Variants in CFAP61 observed in about 807,000 individuals in gnomAD.
The protein encoded by CFAP61 is cilia- and flagella-associated protein 61.
A neutral mutation model predicts 135.6 loss-of-function variants in CFAP61; 107 were observed. That is an observed-to-expected ratio of 0.79 (90% CI 0.67 to 0.93). The LOEUF (loss-of-function observed/expected upper bound fraction) is 0.93. CFAP61 is among the 40% of genes least tolerant of loss of function. CFAP61 has a pLI of 0.00. For missense variants in CFAP61, 1,507 were observed against 1,556.2 expected (o/e 0.97, Z 0.53); for synonymous variants, 575 against 578.5 (o/e 0.99, Z 0.09).
At chr20:20,203,422 C>T (rs2056720234) in intron 17 of CFAP61, among the ~76,000 whole-genome samples, 2 of 152,120 alleles carry the variant, frequency 1.3e-5, no homozygotes, top group Admixed American at 6.5e-5. Context: ...TTAGATGACT[C>T]GTCAGGGCCT....
At chr20:20,085,300 T>A in intron 6 of CFAP61, 2 of 985,470 alleles carry the variant, frequency 2.0e-6, no homozygotes, top group Non-Finnish European at 2.4e-6. Flanking sequence ...TGGGGTGTTT[T>A]GTTTCTGTGG....
At chr20:20,137,112 G>GTC (rs377019356) in intron 8 of CFAP61, among the ~76,000 whole-genome samples, 2 of 152,164 alleles carry the variant, frequency 1.3e-5, no homozygotes, top group East Asian at 3.9e-4. Context: ...AACAAATGAA[G>GTC]TCTCTCTCTC....
At chr20:20,105,831 G>C (rs570706913) in intron 8 of CFAP61, among the ~76,000 whole-genome samples, 74 of 149,316 alleles carry the variant, frequency 5.0e-4, no homozygotes, top group African/African-American at 1.6e-3. Context: ...AGTAGAGATG[G>C]GGTTTCACTG....
chr20:20,088,055 C>T lies in CFAP61; in HGVS notation c.567-2789C>T, dbSNP rs541180855. Among the ~76,000 whole-genome samples, 5 of 152,262 alleles carry T rather than the reference C, an allele frequency of 3.3e-5. No individual in the cohort carries two copies. In the East Asian group the frequency reaches 9.6e-4, roughly 29 times the overall value. On this transcript the variant is annotated intron_variant, in intron 6 of 26. Transcript: ENST00000245957. ...GCTGAAATAGCTTGAAAAATGACTG[C>T]AGCATCAGTAGTACAGTCATACCCA...
At chr20:20,088,360 G>A (rs560996387) in intron 6 of CFAP61, among the ~76,000 whole-genome samples, 95 of 152,268 alleles carry the variant, frequency 6.2e-4, no homozygotes, top group Admixed American at 1.4e-3. Context: ...AGGTTTAATT[G>A]ACTCACAGTT....
intron 24 of CFAP61, among the ~76,000 whole-genome samples, chr20:20,292,363 G>T (rs1444369466): frequency 6.6e-6 from 1 of 152,262 alleles, no homozygotes; most frequent in African/African-American, 2.4e-5. Flanking sequence ...TCTTTTAGTT[G>T]CCCTGTACAC....
chr20:20,059,502 C>T lies in CFAP61; in HGVS notation c.143+2706C>T, dbSNP rs374513478. On this transcript the variant is annotated intron_variant, in intron 2 of 26. Transcript: ENST00000245957. Reference sequence around the variant, plus strand: ...GAGTGGTGGCACACACATGTAGTCCCAGCTACTCAGGAGGCTGAGGCAGGA... The same window carrying T: ...GAGTGGTGGCACACACATGTAGTCCTAGCTACTCAGGAGGCTGAGGCAGGA... Among the ~76,000 whole-genome samples the T allele has an allele frequency of 9.9e-5, 15 of 151,802 alleles. No homozygotes were observed. In the South Asian group the frequency reaches 2.9e-3, roughly 30 times the overall value.
chr20:20,196,495 A>G, intron 15 of CFAP61, 75 bp from the exon 16 acceptor site: 2 of 1,146,514 alleles, frequency 1.7e-6, no homozygotes, highest in Non-Finnish European at 1.3e-6. Flanking sequence ...GTAATTTTTA[A>G]AAGATATTTA....
At chr20:20,252,746 G>A (rs1045107478) in intron 20 of CFAP61, among the ~76,000 whole-genome samples, 4 of 152,242 alleles carry the variant, frequency 2.6e-5, no homozygotes, top group African/African-American at 4.8e-5. Context: ...GTCGCCAAGC[G>A]CAGAGGAGGC....
chr20:20,191,396 A>G lies in CFAP61; in HGVS notation c.1567A>G (p.Ile523Val), dbSNP rs1349488257. Residue 523 changes from isoleucine (I) to valine (V), a missense_variant, in exon 15 of 27, where the codon ATT becomes GTT. Coordinates refer to ENST00000245957, the MANE Select transcript of CFAP61 (RefSeq NM_015585.4). ...VAEVAEQIVG[I>V]AVIRNEMDIE... is the part of the protein sequence containing the mutation. ...TGAAGTTGCAGAACAAATAGTTGGT[A>G]TTGCAGTGATCAGAAATGAAATGGT... is the stretch of plus-strand genomic sequence containing the variant. 6.2e-7 allele frequency: 1 copy of G among 1,611,586 alleles called. No individual in the cohort carries two copies. The highest frequency in any genetic ancestry group is 8.5e-7 in the Non-Finnish European group (1 of 1,178,268).
At chr20:20,123,533 TG>T (rs779156942) in intron 8 of CFAP61, among the ~76,000 whole-genome samples, 2 of 151,784 alleles carry the variant, frequency 1.3e-5, no homozygotes, top group African/African-American at 2.4e-5. Context: ...TTTATGTTTT[TG>T]TTTTGTCAAA....
At position 20,298,308 on chromosome 20, in the gene CFAP61, G is replaced by A. The variant is rs367638543; in HGVS notation, c.3344G>A (p.Arg1115His). The A allele has an allele frequency of 1.1e-5, 17 of 1,613,946 alleles. No homozygotes were observed. The highest frequency in any genetic ancestry group is 4.5e-5 in the East Asian group (2 of 44,898). The change falls in exon 25 of 27, where the codon CGC (arginine) becomes CAC (histidine). Residue 1115 changes from arginine to histidine, a missense_variant. Arg to His is a conservative substitution (Grantham distance 29). Transcript: ENST00000245957. ...REPFPASNYI[R>H]LFGQHEQLLN... ...CCCTTCCCCGCCTCCAACTACATCC[G>A]CTTGTTTGGCCAGCACGAGCAACTC... is the stretch of plus-strand genomic sequence containing the variant.
chr20:20,184,240 A>G (rs2055333909), intron 13 of CFAP61, among the ~76,000 whole-genome samples: 4 of 152,186 alleles, frequency 2.6e-5, no homozygotes, highest in Non-Finnish European at 5.9e-5. Context: ...TTATATGTAA[A>G]AAAACATGTA....
chr20:20,150,839 A>G (rs541778838), intron 9 of CFAP61, among the ~76,000 whole-genome samples: 2 of 152,328 alleles, frequency 1.3e-5, no homozygotes, highest in East Asian at 1.9e-4. Flanking sequence ...AGGAAGTCCC[A>G]TCTGTAGGGG....
rs6081973 is a variant in CFAP61, at chr20:20,359,104, T to C, written c.3514-1106T>C. 0.53 allele frequency among the ~76,000 whole-genome samples: 80,496 copies of C among 152,008 alleles called. 22,497 individuals are homozygous for C. Among genetic ancestry groups the C allele is most frequent in the Non-Finnish European group, 0.63 (42,686 of 67,962 alleles). On this transcript the variant is annotated intron_variant, in intron 26 of 26. Transcript: ENST00000245957. The surrounding 1 kb of genome is among the most constrained non-coding windows in gnomAD (Gnocchi z 4.0). ...GTTCAGTGGACAATTCTTCAACTTGTCTCTGAAAATTTTTATAATGAAATG... is the reference window on the plus strand; with the variant it reads ...GTTCAGTGGACAATTCTTCAACTTGCCTCTGAAAATTTTTATAATGAAATG...
rs1188055224 is a variant in CFAP61 at position 20,298,139 on chromosome 20, A to T, written c.3217-42A>T. On this transcript the variant is annotated intron_variant, in intron 24 of 26. Coordinates refer to ENST00000245957, the MANE Select transcript of CFAP61 (RefSeq NM_015585.4). ...ATGATAAAGTTCCCAAAATCCAGGA[A>T]TGTTTCTAATGTTGTTTTTCTTGTC... The T allele has an allele frequency of 3.6e-6, 5 of 1,380,926 alleles. No individual in the cohort carries two copies. The East Asian group carries it at 1.1e-4, about 32-fold the overall frequency. The allele number at this position is 1,380,926 out of a possible 1,614,324, so 85.5% of individuals were successfully genotyped here. A position where few individuals can be genotyped will look rare whatever the true frequency, so the allele number is the denominator to read the frequency against.
intron 8 of CFAP61, among the ~76,000 whole-genome samples, chr20:20,136,292 T>G (rs2146733161): frequency 6.6e-6 from 1 of 152,302 alleles, no homozygotes; most frequent in South Asian, 2.1e-4. Context: ...GTTTGGGACG[T>G]TCTCTGTTAC....
intron 2 of CFAP61, among the ~76,000 whole-genome samples, chr20:20,069,166 G>T (rs1044922650): frequency 1.3e-5 from 2 of 152,200 alleles, no homozygotes; most frequent in Admixed American, 1.3e-4. Flanking sequence ...AAGCGCATGT[G>T]TGTGAGAGAC....
At chr20:20,117,804 T>C (rs543846319) in intron 8 of CFAP61, among the ~76,000 whole-genome samples, 1 of 152,190 alleles carries the variant, frequency 6.6e-6, no homozygotes, top group Non-Finnish European at 1.5e-5. Context: ...AGGTCTTTCA[T>C]TTCTTTGGTG....
Sources: allele counts gnomAD v4.1 joint callset (sites outside exome capture counted in the v4.1 genomes callset), GRCh38; gene constraint gnomAD v4.1.1; non-coding constraint Gnocchi (gnomAD v3.1); transcripts MANE v1.5; gene names NCBI Gene and HGNC (gene_info 2026-07-23, HGNC 2026-07-21).